ANKRD44: variants seen among roughly 807,000 people sequenced by gnomAD.
The protein encoded by ANKRD44 is ankyrin repeat domain 44.
A neutral mutation model predicts 116.0 loss-of-function variants in ANKRD44; 35 were observed. The observed-to-expected ratio is 0.30, with a 90% confidence interval of 0.23 to 0.40. The LOEUF is 0.40. ANKRD44 is among the 10% of genes least tolerant of loss of function. The probability of loss-of-function intolerance (pLI) is 1.00; values close to 1 mark genes in which losing one functional copy is unlikely to be tolerated. For synonymous variants in ANKRD44, 435 were observed against 461.8 expected, an observed-to-expected ratio of 0.94 and a Z score of 0.74; for missense variants, 1,014 against 1,242.6, an observed-to-expected ratio of 0.82 and a Z score of 2.77.
At chr2:197,298,170 GAGA>G (rs1487410880) in intron 1 of ANKRD44, among the ~76,000 whole-genome samples, 1 of 152,222 alleles carries the variant, frequency 6.6e-6, no homozygotes, top group Non-Finnish European at 1.5e-5. Context: ...CATTAGAATT[GAGA>G]CCTTGTAACT....
chr2:197,293,810 T>C (rs746166174), intron 1 of ANKRD44, among the ~76,000 whole-genome samples: 1 of 152,176 alleles, frequency 6.6e-6, no homozygotes, highest in Non-Finnish European at 1.5e-5. Context: ...AAGTGGGTGA[T>C]ACATTCTAAT....
At chr2:197,289,966 TCTC>T (rs1559223833) in intron 1 of ANKRD44, among the ~76,000 whole-genome samples, 1 of 151,530 alleles carries the variant, frequency 6.6e-6, no homozygotes, top group Admixed American at 6.6e-5. Context: ...TTCAAGCAAT[TCTC>T]CTAACCTCAG....
At chr2:197,156,371 T>C (rs1292577883) in intron 2 of ANKRD44, among the ~76,000 whole-genome samples, 1 of 151,502 alleles carries the variant, frequency 6.6e-6, no homozygotes. Context: ...GTGCCCACCG[T>C]CATTAGTCAT....
chr2:197,066,752 A>T (rs1259488456), intron 16 of ANKRD44, among the ~76,000 whole-genome samples: 2 of 152,212 alleles, frequency 1.3e-5, no homozygotes, highest in African/African-American at 2.4e-5. Context: ...CTTCAAGCAG[A>T]ACTACAAACC....
At chr2:197,284,397 A>G (rs2083346769) in intron 1 of ANKRD44, among the ~76,000 whole-genome samples, 1 of 152,066 alleles carries the variant, frequency 6.6e-6, no homozygotes, top group Non-Finnish European at 1.5e-5. Flanking sequence ...CTTAGAAGGA[A>G]AAAAACTACT....
At chr2:197,160,009 A>G (rs2079919000) in intron 2 of ANKRD44, among the ~76,000 whole-genome samples, 1 of 152,126 alleles carries the variant, frequency 6.6e-6, no homozygotes, top group Admixed American at 6.5e-5. Context: ...TTCCTTTCTT[A>G]TCTAATCTTT....
chr2:196,967,346 G>A (rs761614974), exon 22 of ANKRD44: 18 of 455,284 alleles, frequency 4.0e-5, no homozygotes, highest in African/African-American at 2.0e-4. Context: ...AACCCTTTGC[G>A]TTCTGTGGCT....
chr2:197,085,373 C>A (rs2077895538), intron 13 of ANKRD44, among the ~76,000 whole-genome samples: 1 of 152,138 alleles, frequency 6.6e-6, no homozygotes, highest in Non-Finnish European at 1.5e-5. Context: ...ACATGTGAAC[C>A]AGAGCAACTC....
chr2:197,176,256 T>G (rs2080361578), intron 2 of ANKRD44, among the ~76,000 whole-genome samples: 1 of 152,206 alleles, frequency 6.6e-6, no homozygotes. Context: ...ACTTCGAAAT[T>G]TTAGTAAACT....
rs2080698753 is a variant in ANKRD44 at position 197,187,177 on chromosome 2, A to G, written c.28-71T>C. On this transcript the variant is annotated intron_variant, in intron 1 of 27. Coordinates refer to ENST00000282272, the MANE Select transcript of ANKRD44 (RefSeq NM_001195144.2). ...TGATCACATACAGATGCAGATGGTGAGAAGATTTGTTCCTTAAAAGTTTAT... is the reference window on the plus strand; with the variant it reads ...TGATCACATACAGATGCAGATGGTGGGAAGATTTGTTCCTTAAAAGTTTAT... 2.1e-6 allele frequency: 3 copies of G among 1,453,684 alleles called. No homozygotes were observed. In the South Asian group the frequency reaches 3.4e-5, roughly 17 times the overall value. The allele number at this position is 1,453,684 out of a possible 1,614,324, so 90.0% of individuals were successfully genotyped here.
chr2:197,307,585 G>A (rs2084110603), intron 1 of ANKRD44, among the ~76,000 whole-genome samples: 1 of 149,588 alleles, frequency 6.7e-6, no homozygotes. Flanking sequence ...AATTACACTG[G>A]TCTCTCCCTT....
At chr2:197,236,080 G>A (rs1559173399) in intron 1 of ANKRD44, among the ~76,000 whole-genome samples, 1 of 152,062 alleles carries the variant, frequency 6.6e-6, no homozygotes, top group Non-Finnish European at 1.5e-5. Context: ...GATGAAAACC[G>A]GATAAATGCC....
At chr2:197,071,076 C>T (rs538285935) in intron 16 of ANKRD44, among the ~76,000 whole-genome samples, 1 of 152,134 alleles carries the variant, frequency 6.6e-6, no homozygotes, top group East Asian at 1.9e-4. Context: ...TCCCCTATTT[C>T]ATTCCTGATA....
At chr2:197,300,408 C>A (rs1278268713) in intron 1 of ANKRD44, among the ~76,000 whole-genome samples, 3 of 152,210 alleles carry the variant, frequency 2.0e-5, no homozygotes, top group Non-Finnish European at 4.4e-5. Context: ...CTTAGACTCC[C>A]TCCAGCTCCC....
chr2:197,063,864 G>C (rs2077373425), intron 16 of ANKRD44, among the ~76,000 whole-genome samples: 1 of 152,222 alleles, frequency 6.6e-6, no homozygotes, highest in African/African-American at 2.4e-5. Context: ...ATGGAACCAA[G>C]TTGGAAAACA....
chr2:197,270,688 T>C (rs2712867), intron 1 of ANKRD44, among the ~76,000 whole-genome samples: 25,833 of 152,014 alleles, frequency 0.17, 2,326 homozygotes, highest in Middle Eastern at 0.28. Flanking sequence ...ACTAGGAAAG[T>C]CAGGGAAAGG....
At chr2:197,172,219 C>A (rs1183133594) in intron 2 of ANKRD44, among the ~76,000 whole-genome samples, 1 of 152,068 alleles carries the variant, frequency 6.6e-6, no homozygotes, top group Non-Finnish European at 1.5e-5. Flanking sequence ...CCAGGCTGGT[C>A]TAGAACTCCT....
At chr2:197,073,949 T>C (rs570558903) in intron 16 of ANKRD44, among the ~76,000 whole-genome samples, 4 of 152,330 alleles carry the variant, frequency 2.6e-5, no homozygotes, top group African/African-American at 9.6e-5. Context: ...AATTCATTCA[T>C]GGTAAAGCCC....
At chr2:197,060,812 G>T (rs1406373571) in intron 16 of ANKRD44, among the ~76,000 whole-genome samples, 5 of 152,092 alleles carry the variant, frequency 3.3e-5, no homozygotes, top group African/African-American at 1.2e-4. Flanking sequence ...TTCACTTAGT[G>T]TAACGTCTTC....
Sources: allele counts gnomAD v4.1 joint callset (sites outside exome capture counted in the v4.1 genomes callset), GRCh38; gene constraint gnomAD v4.1.1; transcripts MANE v1.5; gene names NCBI Gene and HGNC (gene_info 2026-07-23, HGNC 2026-07-21).